Variants in ATP6V0D2 observed in about 807,000 individuals in gnomAD.
ATP6V0D2 encodes ATPase H+ transporting V0 subunit d2.
ATP6V0D2 carries 40 observed loss-of-function variants against 40.0 expected under a neutral mutation model. That is an observed-to-expected ratio of 1.00 (90% CI 0.78 to 1.30). The LOEUF is 1.30. ATP6V0D2 is among the 50% of genes most tolerant of loss of function. The pLI is 0.00. For missense variants in ATP6V0D2, 470 were observed against 423.1 expected, an observed-to-expected ratio of 1.11 and a Z score of -0.97; for synonymous variants, 179 against 156.3, an observed-to-expected ratio of 1.15 and a Z score of -1.08.
chr8:86,143,571 G>A (rs1819006375), intron 5 of ATP6V0D2, among the ~76,000 whole-genome samples: 1 of 152,152 alleles, frequency 6.6e-6, no homozygotes, highest in South Asian at 2.1e-4. Context: ...TCATGGTGCT[G>A]GTGGGAGTGT....
intron 5 of ATP6V0D2, among the ~76,000 whole-genome samples, chr8:86,144,612 C>G (rs1209481404): frequency 1.3e-5 from 2 of 151,952 alleles, no homozygotes; most frequent in Admixed American, 1.3e-4. Flanking sequence ...AAAAAGGAAA[C>G]AAAAAAGTTT....
At chr8:86,144,690 G>T (rs951489266) in intron 5 of ATP6V0D2, among the ~76,000 whole-genome samples, 2 of 152,188 alleles carry the variant, frequency 1.3e-5, no homozygotes, top group East Asian at 3.9e-4. Context: ...TTGAGACAGG[G>T]TCTCACTCTG....
At chr8:86,102,449 A>G (rs1187080617) in intron 1 of ATP6V0D2, among the ~76,000 whole-genome samples, 1 of 152,234 alleles carries the variant, frequency 6.6e-6, no homozygotes, top group Admixed American at 6.5e-5. Context: ...CCAATACTAT[A>G]TGTTGAAGCA....
At chr8:86,138,562 TA>T (rs1261063928) in intron 2 of ATP6V0D2, among the ~76,000 whole-genome samples, 3 of 152,128 alleles carry the variant, frequency 2.0e-5, no homozygotes, top group Non-Finnish European at 4.4e-5. Flanking sequence ...AGAAATCACA[TA>T]AAAATGATTA....
At chr8:86,141,370 T>G in intron 3 of ATP6V0D2, 80 bp from the exon 4 acceptor site, 1 of 943,950 alleles carries the variant, frequency 1.1e-6, no homozygotes, top group Admixed American at 1.9e-5. Context: ...GAGCAGAGGG[T>G]GGTGTGTTCA....
chr8:86,116,028 C>T (rs146195263), intron 2 of ATP6V0D2, among the ~76,000 whole-genome samples: 1 of 152,162 alleles, frequency 6.6e-6, no homozygotes, highest in African/African-American at 2.4e-5. Flanking sequence ...TTTCACATCG[C>T]ATCATACAAT....
At chr8:86,149,230 A>G (rs1434531575) in intron 5 of ATP6V0D2, among the ~76,000 whole-genome samples, 1 of 152,030 alleles carries the variant, frequency 6.6e-6, no homozygotes, top group Non-Finnish European at 1.5e-5. Context: ...AGCCCCCACA[A>G]TAGGCAGAGG....
chr8:86,116,841 A>T (rs912412598), intron 2 of ATP6V0D2, among the ~76,000 whole-genome samples: 13 of 152,220 alleles, frequency 8.5e-5, no homozygotes, highest in African/African-American at 2.9e-4. Context: ...ACCCCCTACA[A>T]CAACCTGTGG....
At chr8:86,121,903 T>C (rs560989065) in intron 2 of ATP6V0D2, among the ~76,000 whole-genome samples, 15 of 152,332 alleles carry the variant, frequency 9.8e-5, no homozygotes, top group African/African-American at 3.6e-4. Context: ...ATCTTAAGCA[T>C]TGCACATTTT....
At chr8:86,112,674 T>C (rs1818540035) in intron 1 of ATP6V0D2, among the ~76,000 whole-genome samples, 1 of 151,920 alleles carries the variant, frequency 6.6e-6, no homozygotes, top group African/African-American at 2.4e-5. Flanking sequence ...GGGAAGAAAT[T>C]CTAGAGTGGG....
intron 1 of ATP6V0D2, among the ~76,000 whole-genome samples, chr8:86,110,284 G>C (rs138929425): frequency 6.6e-6 from 1 of 152,050 alleles, no homozygotes; most frequent in Non-Finnish European, 1.5e-5. Flanking sequence ...TAGTAGAGAC[G>C]GGGTTTCACC....
intron 5 of ATP6V0D2, among the ~76,000 whole-genome samples, chr8:86,147,156 T>C (rs1420081275): frequency 6.6e-6 from 1 of 152,192 alleles, no homozygotes; most frequent in East Asian, 1.9e-4. Flanking sequence ...TCAGTGCATG[T>C]GCTGATAAGG....
intron 5 of ATP6V0D2, among the ~76,000 whole-genome samples, chr8:86,146,170 T>C (rs923886192): frequency 3.9e-5 from 6 of 152,192 alleles, no homozygotes; most frequent in African/African-American, 1.4e-4. Context: ...TTGTGTACTA[T>C]AAAAATTGGT....
chr8:86,141,172 G>T (rs114283172), intron 3 of ATP6V0D2, among the ~76,000 whole-genome samples: 48 of 152,342 alleles, frequency 3.2e-4, no homozygotes, highest in African/African-American at 1.1e-3. Flanking sequence ...GTTCACCTCA[G>T]CTGTGTGGCT....
Position 86,138,544 on chromosome 8 carries a change from C to T in ATP6V0D2, c.303-913C>T, listed in dbSNP as rs1818927332. On this transcript the variant is annotated intron_variant, in intron 2 of 7. Coordinates refer to ENST00000285393, the MANE Select transcript of ATP6V0D2 (RefSeq NM_152565.1). Reference sequence around the variant, plus strand: ...CAGGGTATCCCGAGCAGAGCTTATACCAAATAAAGAAATCACATAAAAATG... The same window carrying T: ...CAGGGTATCCCGAGCAGAGCTTATATCAAATAAAGAAATCACATAAAAATG... Among the ~76,000 whole-genome samples the T allele has an allele frequency of 2.6e-5, 4 of 151,758 alleles. 1 individual carries two copies. The South Asian group carries it at 8.3e-4, about 32-fold the overall frequency.
intron 1 of ATP6V0D2, among the ~76,000 whole-genome samples, chr8:86,101,951 TGTTTAG>T (rs1243587975): frequency 2.0e-5 from 3 of 152,326 alleles, no homozygotes; most frequent in Non-Finnish European, 4.4e-5. Context: ...CATCAAACCA[TGTTTAG>T]GTTATCATGA....
At chr8:86,107,572 A>C (rs1175625283) in intron 1 of ATP6V0D2, among the ~76,000 whole-genome samples, 1 of 152,252 alleles carries the variant, frequency 6.6e-6, no homozygotes, top group Non-Finnish European at 1.5e-5. Flanking sequence ...TACTAAAACC[A>C]TTCTGGCAAT....
At chr8:86,136,250 C>A (rs1818895116) in intron 2 of ATP6V0D2, among the ~76,000 whole-genome samples, 1 of 152,140 alleles carries the variant, frequency 6.6e-6, no homozygotes, top group Non-Finnish European at 1.5e-5. Context: ...AAATAAAAAT[C>A]CTGAATACAC....
Position 86,152,881 on chromosome 8 carries a change from G to T in ATP6V0D2, c.957G>T (p.Lys319Asn). The stretch of plus-strand genomic sequence containing the variant: ...ACGGTGTGTTTTATGCATATGTAAA[G>T]CTGAAGGAACAGGAAATTAGAAATA... ...FHYGVFYAYVKLKEQEIRNIV... is the reference protein window; with the variant it reads ...FHYGVFYAYVNLKEQEIRNIV... The change falls in exon 8 of 8, where the codon AAG becomes AAT. Residue 319 changes from lysine to asparagine, a missense_variant. Physicochemically the swap from Lys to Asn is moderately conservative, Grantham distance 94 (BLOSUM62 0). Coordinates refer to ENST00000285393, the MANE Select transcript of ATP6V0D2 (RefSeq NM_152565.1). The T allele has an allele frequency of 6.2e-7, 1 of 1,612,830 alleles. No homozygotes were observed. Among genetic ancestry groups the T allele is most frequent in the Non-Finnish European group, 8.5e-7 (1 of 1,179,478 alleles).
Sources: allele counts gnomAD v4.1 joint callset (sites outside exome capture counted in the v4.1 genomes callset), GRCh38; gene constraint gnomAD v4.1.1; transcripts MANE v1.5; gene names NCBI Gene and HGNC (gene_info 2026-07-23, HGNC 2026-07-21).